The following ADGRG4 variants were observed in gnomAD, a reference collection of about 807,000 sequenced individuals.
ADGRG4 encodes the protein G protein-coupled receptor 112.
ADGRG4 carries 122 observed loss-of-function variants against 126.2 expected under a neutral mutation model. The observed-to-expected ratio is 0.97, with a 90% CI of 0.83 to 1.12. The LOEUF is 1.12. Ranked by LOEUF, ADGRG4 falls within the 50% of genes most tolerant of loss-of-function variation. The probability of loss-of-function intolerance (pLI) is 0.00; values close to 1 mark genes in which losing one functional copy is unlikely to be tolerated. For missense variants in ADGRG4, 2,481 were observed against 2,251.8 expected, an observed-to-expected ratio of 1.10 and a Z score of -2.06; for synonymous variants, 943 against 838.7, an observed-to-expected ratio of 1.12 and a Z score of -2.15.
At position 136,408,389 on chromosome X, in the gene ADGRG4, C is replaced by T. The variant is rs749978262; in HGVS notation, c.8935+2417C>T. 2.7e-5 allele frequency among the ~76,000 whole-genome samples: 3 copies of T among 111,501 alleles called. No individual in the cohort carries two copies. In the East Asian group the frequency reaches 8.4e-4, roughly 31 times the overall value. On this transcript the variant is annotated intron_variant, in intron 23 of 25. Transcript: ENST00000394143. ...TTTCCCTCTTCTCCCCCTAATAGTC[C>T]CCAGTTGTCTACTGTTGCCATCTTT...
At position 136,344,897 on chromosome X, in the gene ADGRG4, T is replaced by C. The variant is rs1400455860; in HGVS notation, c.1191T>C (p.Val397=). Residue 397 remains valine (V), a synonymous_variant, in exon 6 of 26, where the codon GTT becomes GTC. Coordinates refer to ENST00000394143, the MANE Select transcript of ADGRG4 (RefSeq NM_153834.4). ...TTSAIKSQSA[V]TKTTSLFSTI... Reference sequence around the variant, plus strand: ...CAGCAATTAAATCTCAGTCGGCTGTTACGAAGACAACATCTTTATTTTCAA... The same window carrying C: ...CAGCAATTAAATCTCAGTCGGCTGTCACGAAGACAACATCTTTATTTTCAA... 2.5e-6 allele frequency: 3 copies of C among 1,211,050 alleles called. No homozygotes were observed. The highest frequency in any genetic ancestry group is 3.4e-6 in the Non-Finnish European group (3 of 894,740).
At chrX:136,407,967 G>C (rs771204697) in intron 23 of ADGRG4, among the ~76,000 whole-genome samples, 1 of 112,152 alleles carries the variant, frequency 8.9e-6, no homozygotes, top group East Asian at 2.8e-4. Flanking sequence ...GAACCCAGGT[G>C]CCTGTGAAGA....
In ADGRG4 at chrX:136,323,740, T is replaced by A. The variant is rs1040896011; in HGVS notation, c.685+348T>A. On this transcript the variant is annotated intron_variant, in intron 5 of 25. Transcript: ENST00000394143. ...CTTAACCAGGCTATAATGATCAAAATCAGAAAAGTTGATGTTGATACAATA... is the reference window on the plus strand; with the variant it reads ...CTTAACCAGGCTATAATGATCAAAAACAGAAAAGTTGATGTTGATACAATA... Among the ~76,000 whole-genome samples, 32 of 111,485 alleles carry A rather than the reference T, an allele frequency of 2.9e-4. No homozygotes were observed. In the Admixed American group the frequency reaches 3.1e-3, roughly 11 times the overall value.
chrX:136,308,691 G>A, intron 3 of ADGRG4, 78 bp from the exon 4 acceptor site: 1 of 595,805 alleles, frequency 1.7e-6, no homozygotes. Flanking sequence ...ATGCAAAGGA[G>A]AAGTGTGGTC....
At position 136,359,359 on chromosome X, in the gene ADGRG4, A is replaced by T. The variant is rs1333215175; in HGVS notation, c.7048A>T (p.Lys2350Ter). The change falls in exon 11 of 26, where the codon AAA (lysine) becomes TAA (stop). Residue 2350 changes from lysine (K) to a stop codon, truncating the protein, a stop_gained. Transcript: ENST00000394143. LOFTEE classifies it high-confidence loss of function. The part of the protein sequence containing the change: ...LASSELMRKI[K>*]SKIHGNFTHG... Reference sequence around the variant, plus strand: ...ATCCTCTGAATTGATGAGAAAAATCAAAAGTAAAATACATGGCAACTTCAC... The same window carrying T: ...ATCCTCTGAATTGATGAGAAAAATCTAAAGTAAAATACATGGCAACTTCAC... 2.5e-6 allele frequency: 3 copies of T among 1,207,815 alleles called. No individual in the cohort carries two copies. In the East Asian group the frequency reaches 8.9e-5, roughly 36 times the overall value.
At position 136,347,428 on chromosome X, in the gene ADGRG4, C is replaced by T; in HGVS notation, c.3722C>T (p.Thr1241Ile). ...TCATCTGCCACATATCGTGTACACA[C>T]ACCAGTGTCCATCCAGTTGGTGACT... ...ISSSATYRVH[T>I]PVSIQLVTST... Residue 1241 changes from threonine to isoleucine, a missense_variant, in exon 6 of 26, where the codon ACA becomes ATA. Physicochemically the swap from Thr to Ile is moderately conservative, Grantham distance 89. Coordinates refer to ENST00000394143, the MANE Select transcript of ADGRG4 (RefSeq NM_153834.4). 8.3e-7 allele frequency: 1 copy of T among 1,209,397 alleles called. No individual in the cohort carries two copies. Among genetic ancestry groups the T allele is most frequent in the East Asian group, 3.0e-5 (1 of 33,827 alleles).
At position 136,344,720 on chromosome X, in the gene ADGRG4, T is replaced by C; in HGVS notation, c.1014T>C (p.Asn338=). 1.7e-6 allele frequency: 2 copies of C among 1,207,790 alleles called. No individual in the cohort carries two copies. The highest frequency in any genetic ancestry group is 3.5e-5 in the South Asian group (2 of 56,625). Residue 338 remains asparagine, a synonymous_variant, in exon 6 of 26, where the codon AAT becomes AAC. Coordinates refer to ENST00000394143, the MANE Select transcript of ADGRG4 (RefSeq NM_153834.4). ...GTATATCCATAGACAATACTACCAA[T>C]TCCATGAAAAAAACGAAATCTCCAT... ...TQSISIDNTT[N]SMKKTKSPSS...
At position 136,372,922 on chromosome X, in the gene ADGRG4, G is replaced by A. The variant is rs752548011; in HGVS notation, c.7634G>A (p.Arg2545His). 2 of 1,211,284 alleles carry A rather than the reference G, an allele frequency of 1.7e-6. No individual in the cohort carries two copies. The highest frequency in any genetic ancestry group is 1.1e-6 in the Non-Finnish European group (1 of 895,009). Residue 2545 changes from arginine to histidine, a missense_variant, in exon 15 of 26, where the codon CGT becomes CAT. Transcript: ENST00000394143. ...TGCAGAATTCTGAGGATAATTGAGC[G>A]TACTGGTCACAAGATGGAGTTTTCT... is the stretch of plus-strand genomic sequence containing the variant. ...ISNEILRIIE[R>H]TGHKMEFSGQ...
At chrX:136,303,583 A>G (rs188885186) in intron 1 of ADGRG4, among the ~76,000 whole-genome samples, 1 of 112,504 alleles carries the variant, frequency 8.9e-6, no homozygotes, top group Non-Finnish European at 1.9e-5. Context: ...AAATGCCCAC[A>G]TATGTAGTGA....
intron 4 of ADGRG4, among the ~76,000 whole-genome samples, chrX:136,316,163 A>G (rs1172720768): frequency 9.0e-6 from 1 of 111,729 alleles, no homozygotes; most frequent in African/African-American, 3.3e-5. Flanking sequence ...TGGAGAAGAG[A>G]CAGTGACCAG....
chrX:136,332,162 C>G, intron 5 of ADGRG4, among the ~76,000 whole-genome samples: 1 of 100,566 alleles, frequency 9.9e-6, no homozygotes, highest in East Asian at 3.1e-4. Context: ...CCCCTCCCAC[C>G]ACCCCACAAC....
intron 13 of ADGRG4, among the ~76,000 whole-genome samples, chrX:136,367,528 G>A (rs938233398): frequency 6.2e-5 from 7 of 112,055 alleles, no homozygotes; most frequent in African/African-American, 2.3e-4. Flanking sequence ...ACACTGCACT[G>A]GGTTGGGATT....
intron 15 of ADGRG4, among the ~76,000 whole-genome samples, chrX:136,379,034 T>C (rs2075244466): frequency 8.9e-6 from 1 of 111,998 alleles, no homozygotes; most frequent in African/African-American, 3.2e-5. Flanking sequence ...CCTCTTCTAC[T>C]TTCAGAAAGA....
At chrX:136,352,996 A>G (rs750439857) in intron 7 of ADGRG4, among the ~76,000 whole-genome samples, 1 of 111,773 alleles carries the variant, frequency 8.9e-6, no homozygotes, top group South Asian at 3.7e-4. Flanking sequence ...TCCTCTGTGC[A>G]TACGCATCCC....
In ADGRG4 at chrX:136,315,858, C is replaced by T. The variant is rs182903351; in HGVS notation, c.71-6920C>T. ...ACCATCTAAAGATGAAGGCAGATAT[C>T]GGGGTCATGTGCTTATAGGCCAAAT... On this transcript the variant is annotated intron_variant, in intron 4 of 25. Transcript: ENST00000394143. 5.2e-4 allele frequency among the ~76,000 whole-genome samples: 58 copies of T among 111,704 alleles called. No individual in the cohort carries two copies. The East Asian group carries it at 9.6e-3, about 18-fold the overall frequency.
chrX:136,393,440 GA>G (rs2075330170), intron 17 of ADGRG4, 94 bp from the exon 18 acceptor site: 1 of 719,554 alleles, frequency 1.4e-6, no homozygotes, highest in Non-Finnish European at 2.1e-6. Flanking sequence ...TTTACCATGG[GA>G]AAAAATATTG....
intron 21 of ADGRG4, among the ~76,000 whole-genome samples, chrX:136,401,031 CT>C (rs1377495097): frequency 8.9e-6 from 1 of 111,781 alleles, no homozygotes; most frequent in African/African-American, 3.3e-5. Context: ...AGACAATACT[CT>C]CCTGATTAGC....
chrX:136,356,181 A>G lies in ADGRG4; in HGVS notation c.6927+16A>G, dbSNP rs1212937605. 2 of 1,122,414 alleles carry G rather than the reference A, an allele frequency of 1.8e-6. No homozygotes were observed. Among genetic ancestry groups the G allele is most frequent in the Non-Finnish European group, 2.4e-6 (2 of 819,526 alleles). 92.5% of individuals were successfully genotyped at this position (1,122,414 alleles called of 1,213,427 possible). The stretch of plus-strand genomic sequence containing the variant: ...TCGAGCTATTGTAAGTAATTTTTCA[A>G]AATGAATCTACTTGTGACCTATCCT... On this transcript the variant is annotated intron_variant, in intron 9 of 25. Transcript: ENST00000394143.
chrX:136,352,455 A>G (rs1021081586), intron 7 of ADGRG4, among the ~76,000 whole-genome samples: 4 of 110,499 alleles, frequency 3.6e-5, no homozygotes, highest in African/African-American at 1.3e-4. Context: ...TGCGTGAGCC[A>G]AGGAGTTTGA....
Sources: gnomAD v4.1 joint callset for allele counts (sites outside exome capture counted in the v4.1 genomes callset) on GRCh38, gnomAD v4.1.1 for gene constraint, MANE v1.5 for transcripts, NCBI Gene and HGNC (gene_info 2026-07-23, HGNC 2026-07-21) for gene names.